The following OSBPL1A variants were observed in gnomAD, a reference collection of about 807,000 sequenced individuals.
OSBPL1A encodes oxysterol-binding protein-related protein 1.
OSBPL1A carries 80 observed loss-of-function variants against 137.1 expected under a neutral mutation model. The observed-to-expected ratio is 0.58, with a 90% CI of 0.49 to 0.70. The LOEUF (loss-of-function observed/expected upper bound fraction) is 0.70. Among genes scored for constraint, OSBPL1A ranks in the 30% least tolerant of loss-of-function variants. The pLI is 0.00. For missense variants in OSBPL1A, 970 were observed against 1,129.4 expected (o/e 0.86, Z 2.02); for synonymous variants, 365 against 389.7 (o/e 0.94, Z 0.75).
At chr18:24,392,376 C>T (rs1277403631) in intron 1 of OSBPL1A, among the ~76,000 whole-genome samples, 2 of 152,046 alleles carry the variant, frequency 1.3e-5, no homozygotes, top group African/African-American at 4.8e-5. Context: ...TCAGGCTGGT[C>T]TCAAACTCCT....
At position 24,252,560 on chromosome 18, in the gene OSBPL1A, T is replaced by C. The variant is rs138680533; in HGVS notation, c.1282-13178A>G. Among the ~76,000 whole-genome samples the C allele has an allele frequency of 1.1e-4, 16 of 151,614 alleles. No individual in the cohort carries two copies. In the East Asian group the frequency reaches 2.5e-3, roughly 24 times the overall value. On this transcript the variant is annotated intron_variant, in intron 15 of 27. Transcript: ENST00000319481. Reference sequence around the variant, plus strand: ...AGGGATTTCATCAACACCAGACGTGTCCTACAAGAAATGCTGAGAGGAGGT... The same window carrying C: ...AGGGATTTCATCAACACCAGACGTGCCCTACAAGAAATGCTGAGAGGAGGT...
intron 7 of OSBPL1A, among the ~76,000 whole-genome samples, chr18:24,321,434 C>T (rs1420041571): frequency 6.6e-6 from 1 of 152,160 alleles, no homozygotes; most frequent in Non-Finnish European, 1.5e-5. Flanking sequence ...GTAGCTGGAA[C>T]TGCAGTCATG....
At chr18:24,239,694 A>C (rs1287459335) in intron 15 of OSBPL1A, among the ~76,000 whole-genome samples, 1 of 152,200 alleles carries the variant, frequency 6.6e-6, no homozygotes, top group Non-Finnish European at 1.5e-5. Context: ...CTTTTTAAAC[A>C]TAAAGAATAT....
intron 4 of OSBPL1A, among the ~76,000 whole-genome samples, chr18:24,353,371 C>T (rs973538347): frequency 5.9e-5 from 9 of 152,140 alleles, no homozygotes; most frequent in Non-Finnish European, 1.3e-4. Flanking sequence ...CAATGAGATA[C>T]CATCTCACAC....
chr18:24,382,535 C>T (rs955278624), intron 1 of OSBPL1A, among the ~76,000 whole-genome samples: 2 of 151,974 alleles, frequency 1.3e-5, no homozygotes, highest in Admixed American at 6.6e-5. Context: ...CAAGATCATG[C>T]CACTGCACTC....
intron 7 of OSBPL1A, among the ~76,000 whole-genome samples, chr18:24,319,950 G>A (rs980395952): frequency 6.7e-5 from 10 of 148,372 alleles, no homozygotes; most frequent in African/African-American, 1.0e-4. Flanking sequence ...CTTAAGACTC[G>A]CCGGGGTAAT....
At chr18:24,341,264 C>A (rs1246197794) in intron 5 of OSBPL1A, among the ~76,000 whole-genome samples, 1 of 152,170 alleles carries the variant, frequency 6.6e-6, no homozygotes, top group African/African-American at 2.4e-5. Context: ...GCCTCAGCCT[C>A]CTAAAATGCT....
At chr18:24,396,726 C>G (rs1481450883) in intron 1 of OSBPL1A, among the ~76,000 whole-genome samples, 2 of 152,106 alleles carry the variant, frequency 1.3e-5, no homozygotes, top group Admixed American at 6.6e-5. Context: ...ACCTATCAAA[C>G]TGCTGCAAAA....
At chr18:24,173,837 A>T (rs1430735238) in intron 21 of OSBPL1A, among the ~76,000 whole-genome samples, 1 of 152,200 alleles carries the variant, frequency 6.6e-6, no homozygotes, top group Non-Finnish European at 1.5e-5. Context: ...GATCCTAAAC[A>T]ACTCCTCCAC....
chr18:24,337,260 C>A (rs1178791107), intron 5 of OSBPL1A, among the ~76,000 whole-genome samples: 1 of 152,004 alleles, frequency 6.6e-6, no homozygotes, highest in Non-Finnish European at 1.5e-5. Flanking sequence ...TCTAGGAGGC[C>A]AAATTAAGAG....
rs1478845395 is a variant in OSBPL1A, at chr18:24,326,664, C to A, written c.625+6278G>T. Among the ~76,000 whole-genome samples, 3 of 152,244 alleles carry A rather than the reference C, an allele frequency of 2.0e-5. No individual in the cohort carries two copies. In the East Asian group the frequency reaches 5.8e-4, roughly 29 times the overall value. ...GGGTTCCTAACAGTTCTCTGGTTCC[C>A]AGTTCCATCCCATCTGATGCCTAAT... is the stretch of plus-strand genomic sequence containing the variant. On this transcript the variant is annotated intron_variant, in intron 7 of 27. Transcript: ENST00000319481.
intron 14 of OSBPL1A, among the ~76,000 whole-genome samples, chr18:24,282,812 CAA>C (rs1275401770): frequency 2.0e-5 from 3 of 152,036 alleles, no homozygotes; most frequent in Non-Finnish European, 4.4e-5. Context: ...TTAAAAGACA[CAA>C]GATTACAGCT....
At chr18:24,253,623 A>G (rs1450132372) in intron 15 of OSBPL1A, among the ~76,000 whole-genome samples, 1 of 152,300 alleles carries the variant, frequency 6.6e-6, no homozygotes, top group South Asian at 2.1e-4. Flanking sequence ...GCTGGTAAGG[A>G]CTTGGGAAGT....
At position 24,163,238 on chromosome 18, in the gene OSBPL1A, A is replaced by T. The variant is rs1244735906; in HGVS notation, c.2794T>A (p.Trp932Arg). 6.2e-7 allele frequency: 1 copy of T among 1,613,564 alleles called. No individual in the cohort carries two copies. Among genetic ancestry groups the T allele is most frequent in the Non-Finnish European group, 8.5e-7 (1 of 1,179,738 alleles). ...TCCCAGTAGCTGCCAGAGTAAATCC[A>T]GTCCTGTGCTCCATTGTAGGGATTA... ...GPNPYNGAQD[W>R]IYSGSYWDRN... Residue 932 changes from tryptophan (W) to arginine (R), a missense_variant, in exon 28 of 28, where the codon TGG becomes AGG. By Grantham distance (101) the Trp-to-Arg change is moderately radical. Coordinates refer to ENST00000319481, the MANE Select transcript of OSBPL1A (RefSeq NM_080597.4).
intron 17 of OSBPL1A, among the ~76,000 whole-genome samples, chr18:24,219,908 T>C (rs948969989): frequency 6.6e-6 from 1 of 152,204 alleles, no homozygotes; most frequent in African/African-American, 2.4e-5. Flanking sequence ...AGTGACCCCA[T>C]GGCCTAGCAG....
intron 20 of OSBPL1A, 22 bp from the exon 21 acceptor site, chr18:24,178,217 A>G (rs1321608747): frequency 1.3e-6 from 2 of 1,521,482 alleles, no homozygotes; most frequent in Non-Finnish European, 1.8e-6. Flanking sequence ...AAAAAAAAAA[A>G]AAAGAAAAAA....
At chr18:24,382,701 C>G (rs1906685468) in intron 1 of OSBPL1A, among the ~76,000 whole-genome samples, 1 of 151,774 alleles carries the variant, frequency 6.6e-6, no homozygotes, top group African/African-American at 2.4e-5. Context: ...CATGGTAAAA[C>G]CCCATCTCTA....
At chr18:24,319,273 T>A (rs1192337142) in intron 7 of OSBPL1A, among the ~76,000 whole-genome samples, 3 of 152,138 alleles carry the variant, frequency 2.0e-5, no homozygotes, top group Non-Finnish European at 4.4e-5. Flanking sequence ...AACCTCTGCT[T>A]CCAGCATTCT....
intron 21 of OSBPL1A, among the ~76,000 whole-genome samples, chr18:24,177,495 C>A (rs760734358): frequency 3.9e-5 from 6 of 152,104 alleles, no homozygotes; most frequent in African/African-American, 7.2e-5. Context: ...GTTGCTTTGT[C>A]TTCTGTCCGG....
Sources: gnomAD v4.1 joint callset for allele counts (sites outside exome capture counted in the v4.1 genomes callset) on GRCh38, gnomAD v4.1.1 for gene constraint, MANE v1.5 for transcripts, NCBI Gene and HGNC (gene_info 2026-07-23, HGNC 2026-07-21) for gene names.